CASP8: variants seen among roughly 807,000 people sequenced by gnomAD.
CASP8 encodes caspase 8.
A neutral mutation model predicts 46.3 loss-of-function variants in CASP8; 24 were observed. The observed-to-expected ratio is 0.52, with a 90% CI of 0.38 to 0.73. The LOEUF is 0.73. CASP8 is among the 30% of genes least tolerant of loss of function. The probability of loss-of-function intolerance (pLI) is 0.00; values close to 1 mark genes in which losing one functional copy is unlikely to be tolerated. For synonymous variants in CASP8, 188 were observed against 200.4 expected, an observed-to-expected ratio of 0.94 and a Z score of 0.52; for missense variants, 460 against 559.0, an observed-to-expected ratio of 0.82 and a Z score of 1.79.
In CASP8 at chr2:201,272,875, T is replaced by C. The variant is rs1948366817; in HGVS notation, c.551-23T>C. 1.2e-6 allele frequency: 2 copies of C among 1,614,150 alleles called. No homozygotes were observed. The highest frequency in any genetic ancestry group is 1.7e-6 in the Non-Finnish European group (2 of 1,179,966). Reference sequence around the variant, plus strand: ...CAGTTGTTTCTAATCAAATATTGTTTGGGGTTTCCCCTTTTAATTCAGAGA... The same window carrying C: ...CAGTTGTTTCTAATCAAATATTGTTCGGGGTTTCCCCTTTTAATTCAGAGA... On this transcript the variant is annotated intron_variant, in intron 4 of 8. Transcript: ENST00000673742. The surrounding 1 kb of genome is among the most constrained non-coding windows in gnomAD (Gnocchi z 4.4).
chr2:201,269,021 C>T (rs894166058), intron 2 of CASP8, among the ~76,000 whole-genome samples: 1 of 151,730 alleles, frequency 6.6e-6, no homozygotes, highest in Admixed American at 6.6e-5. Flanking sequence ...TCAGTGCAAC[C>T]TCCACCTCCT....
At chr2:201,244,512 C>T (rs1306735688) in intron 2 of CASP8, among the ~76,000 whole-genome samples, 7 of 152,208 alleles carry the variant, frequency 4.6e-5, no homozygotes, top group East Asian at 1.9e-4. Context: ...TAGCATCTTC[C>T]GACTATCCTC....
At chr2:201,243,152 G>C (rs897096413) in intron 2 of CASP8, among the ~76,000 whole-genome samples, 1 of 152,100 alleles carries the variant, frequency 6.6e-6, no homozygotes, top group Non-Finnish European at 1.5e-5. Context: ...GAGATCTGCT[G>C]TACAACATTG....
chr2:201,249,787 C>T (rs1045084400), intron 2 of CASP8, among the ~76,000 whole-genome samples: 3 of 152,156 alleles, frequency 2.0e-5, no homozygotes, highest in Admixed American at 1.3e-4. Context: ...GCCTCCTACA[C>T]TTCTCCCCTC....
intron 1 of CASP8, among the ~76,000 whole-genome samples, chr2:201,263,225 C>T (rs968989575): frequency 6.6e-6 from 1 of 152,086 alleles, no homozygotes; most frequent in South Asian, 2.1e-4. Context: ...CATTTTGACA[C>T]CATAATACTA....
chr2:201,259,437 A>G (rs78979267), upstream of CASP8, among the ~76,000 whole-genome samples: 1 of 152,096 alleles, frequency 6.6e-6, no homozygotes, highest in Non-Finnish European at 1.5e-5. Context: ...TGGCCTCTCA[A>G]AGTGCTAGGA....
intron 2 of CASP8, among the ~76,000 whole-genome samples, chr2:201,271,238 GAAAAA>G (rs891963861): frequency 5.7e-5 from 8 of 141,082 alleles, no homozygotes; most frequent in Admixed American, 5.7e-4. Flanking sequence ...CCATTTTACA[GAAAAA>G]AAAAAAGGAA....
chr2:201,241,260 A>G (rs1251914146), intron 2 of CASP8: 1 of 152,338 alleles, frequency 6.6e-6, no homozygotes, highest in East Asian at 1.9e-4. Context: ...TTTGAAAAGA[A>G]TAACAAAAGA....
chr2:201,260,457 T>C, upstream of CASP8: 1 of 805,034 alleles, frequency 1.2e-6, no homozygotes, highest in Non-Finnish European at 1.5e-6. Flanking sequence ...GTAAGCGCTC[T>C]TTCCCCTCTA....
At chr2:201,243,604 A>G (rs916665166) in intron 2 of CASP8, among the ~76,000 whole-genome samples, 2 of 152,236 alleles carry the variant, frequency 1.3e-5, no homozygotes, top group African/African-American at 4.8e-5. Context: ...CCCTAACTTG[A>G]TAAAAATACC....
At chr2:201,283,828 A>T (rs1257740101) in intron 7 of CASP8, among the ~76,000 whole-genome samples, 1 of 38,836 alleles carries the variant, frequency 2.6e-5, no homozygotes. Flanking sequence ...GACCCCCCCC[A>T]CCTCCCTCCC....
chr2:201,235,757 T>C lies in CASP8; in HGVS notation c.-27+1645T>C, dbSNP rs1187477242. Among the ~76,000 whole-genome samples the C allele has an allele frequency of 1.3e-5, 2 of 152,336 alleles. 1 individual carries two copies. Among genetic ancestry groups the C allele is most frequent in the Middle Eastern group, 6.8e-3 (2 of 294 alleles). On this transcript the variant is annotated intron_variant, in intron 2 of 6. Coordinates refer to the CASP8 transcript ENST00000264274. ...ATAGACACACTCATATATATATTCA[T>C]GTGCCATTTCAGTCAATGACCGACC... is the stretch of plus-strand genomic sequence containing the variant.
upstream of CASP8, among the ~76,000 whole-genome samples, chr2:201,258,918 T>C (rs1461214149): frequency 6.6e-6 from 1 of 152,308 alleles, no homozygotes; most frequent in East Asian, 1.9e-4. Flanking sequence ...TGTGGATTCG[T>C]GAATTTATCT....
At chr2:201,238,498 G>C (rs771415621) in intron 2 of CASP8, among the ~76,000 whole-genome samples, 13 of 151,646 alleles carry the variant, frequency 8.6e-5, no homozygotes, top group Non-Finnish European at 1.6e-4. Flanking sequence ...CTGGAGTGCA[G>C]TGGCGTAATC....
intron 7 of CASP8, among the ~76,000 whole-genome samples, chr2:201,283,365 C>T (rs1468555449): frequency 2.9e-5 from 2 of 68,294 alleles, no homozygotes; most frequent in African/African-American, 1.0e-4. Context: ...CCCCTCACCT[C>T]CCGGACGGGG....
intron 2 of CASP8, among the ~76,000 whole-genome samples, chr2:201,248,269 G>A (rs1018271481): frequency 7.2e-5 from 11 of 152,096 alleles, no homozygotes; most frequent in African/African-American, 1.4e-4. Context: ...TGGGTGGATC[G>A]AGTGCAGGGG....
intron 6 of CASP8, among the ~76,000 whole-genome samples, chr2:201,276,580 A>G (rs372313729): frequency 6.6e-6 from 1 of 152,324 alleles, no homozygotes; most frequent in East Asian, 1.9e-4. Context: ...ATGTGATGAC[A>G]ACAATATTAA....
At position 201,268,952 on chromosome 2, in the gene CASP8, TGTGTGA is replaced by T. The variant is rs1309454031; in HGVS notation, c.305+2163_305+2168del. Among the ~76,000 whole-genome samples, 224 of 147,996 alleles carry T rather than the reference TGTGTGA, an allele frequency of 1.5e-3. 1 individual carries two copies. Among genetic ancestry groups the T allele is most frequent in the Middle Eastern group, 3.4e-3 (1 of 290 alleles). Reference sequence around the variant, plus strand: ...GTGTGTGTGTGTGTGTGTGTGTGTGTGTGTGAGACAGTGTCTCACTACATCGCCCAA... The same window carrying T: ...GTGTGTGTGTGTGTGTGTGTGTGTGTGACAGTGTCTCACTACATCGCCCAA... On this transcript the variant is annotated intron_variant, in intron 2 of 8. Coordinates refer to ENST00000673742, the MANE Select transcript of CASP8 (RefSeq NM_001372051.1).
At position 201,269,580 on chromosome 2, in the gene CASP8, C is replaced by T. The variant is rs768776043; in HGVS notation, c.306-1936C>T. The T allele has an allele frequency of 8.1e-6, 13 of 1,612,758 alleles. No homozygotes were observed. Among genetic ancestry groups the T allele is most frequent in the South Asian group, 4.4e-5 (4 of 90,912 alleles). On this transcript the variant is annotated intron_variant, in intron 2 of 8. Coordinates refer to ENST00000673742, the MANE Select transcript of CASP8 (RefSeq NM_001372051.1). ...CCAGACACAGTCTGTACCTTTCTGG[C>T]GGAGGGTCGATCATCTATTAATAAG...
Sources: gnomAD v4.1 joint callset for allele counts (sites outside exome capture counted in the v4.1 genomes callset) on GRCh38, gnomAD v4.1.1 for gene constraint, Gnocchi (gnomAD v3.1) non-coding constraint, MANE v1.5 for transcripts, NCBI Gene and HGNC (gene_info 2026-07-23, HGNC 2026-07-21) for gene names.